Variants in KIAA2012 observed in about 807,000 individuals in gnomAD.
The protein encoded by KIAA2012 is KIAA2012, also known as uncharacterized protein KIAA2012.
A neutral mutation model predicts 150.6 loss-of-function variants in KIAA2012; 125 were observed. The ratio of observed to expected loss-of-function variants is 0.83; its 90% CI spans 0.72 to 0.96. The LOEUF (loss-of-function observed/expected upper bound fraction) is 0.96. Among genes scored for constraint, KIAA2012 ranks in the 40% least tolerant of loss-of-function variants. The probability of loss-of-function intolerance (pLI) is 0.00; values close to 1 mark genes in which losing one functional copy is unlikely to be tolerated. For missense variants in KIAA2012, 1,219 were observed against 1,354.9 expected (o/e 0.90, Z 1.57); for synonymous variants, 462 against 504.7 (o/e 0.92, Z 1.13).
rs1203333215 is a variant in KIAA2012, at chr2:202,205,021, C to A, written c.*44C>A. On this transcript the variant is annotated 3_prime_UTR_variant, in exon 24 of 24. Transcript: ENST00000498697. ...AGATTTAGGATGTTGCAGTCAAGCA[C>A]CAGATAAGAGTGACTTCCCTAAATG... is the stretch of plus-strand genomic sequence containing the variant. 6.6e-6 allele frequency: 1 copy of A among 152,164 alleles called. No individual in the cohort carries two copies. Among genetic ancestry groups the A allele is most frequent in the Non-Finnish European group, 1.5e-5 (1 of 68,028 alleles). The allele number at this position is 152,164 out of a possible 1,614,324, so 9.4% of individuals were successfully genotyped here.
chr2:202,142,606 G>A (rs1691216004), intron 13 of KIAA2012, among the ~76,000 whole-genome samples: 1 of 152,160 alleles, frequency 6.6e-6, no homozygotes, highest in East Asian at 1.9e-4. Flanking sequence ...GTAGGAAGGG[G>A]ACTTGTTTTG....
chr2:202,093,825 C>G (rs1179327836), intron 4 of KIAA2012, among the ~76,000 whole-genome samples: 1 of 152,194 alleles, frequency 6.6e-6, no homozygotes, highest in East Asian at 1.9e-4. Flanking sequence ...GGGATTGACA[C>G]TGTCAATCCC....
At chr2:202,109,895 G>A in intron 10 of KIAA2012, 106 bp downstream of exon 10, 1 of 999,344 alleles carries the variant, frequency 1.0e-6, no homozygotes. Context: ...GCATTCCATT[G>A]AAAAGGGGTA....
At chr2:202,080,385 G>A (rs1000727786) in intron 2 of KIAA2012, among the ~76,000 whole-genome samples, 1 of 151,860 alleles carries the variant, frequency 6.6e-6, no homozygotes, top group Non-Finnish European at 1.5e-5. Flanking sequence ...CTTGTATAAC[G>A]AATAGAATAT....
chr2:202,188,053 C>A, intron 17 of KIAA2012, 99 bp from the exon 18 acceptor site: 1 of 969,100 alleles, frequency 1.0e-6, no homozygotes. Context: ...AAATTCCATT[C>A]TAAGCCAGTG....
At chr2:202,076,420 A>G (rs989542346) in intron 2 of KIAA2012, among the ~76,000 whole-genome samples, 2 of 152,198 alleles carry the variant, frequency 1.3e-5, no homozygotes, top group African/African-American at 4.8e-5. Context: ...TTCCAAAAGA[A>G]AAGACTCCTC....
At chr2:202,150,197 G>C (rs187978252) in intron 13 of KIAA2012, among the ~76,000 whole-genome samples, 2 of 152,288 alleles carry the variant, frequency 1.3e-5, no homozygotes, top group Admixed American at 6.5e-5. Context: ...TAAATGCCAA[G>C]TATTTACGCA....
chr2:202,086,011 T>C (rs1376278444), intron 2 of KIAA2012, among the ~76,000 whole-genome samples: 4 of 151,162 alleles, frequency 2.6e-5, no homozygotes, highest in South Asian at 4.2e-4. Context: ...CTACTAAAAA[T>C]ACAAAAATTA....
chr2:202,128,439 G>GT (rs138151145), intron 12 of KIAA2012, among the ~76,000 whole-genome samples: 1,984 of 145,922 alleles, frequency 0.014, 41 homozygotes, highest in African/African-American at 0.044. Context: ...CTTTTTGGGG[G>GT]TTTTTTTTTT....
chr2:202,175,943 A>T (rs552856338), intron 15 of KIAA2012, among the ~76,000 whole-genome samples: 1 of 152,368 alleles, frequency 6.6e-6, no homozygotes, highest in South Asian at 2.1e-4. Flanking sequence ...TGGAAACTTG[A>T]TATATGGCAA....
intron 15 of KIAA2012, among the ~76,000 whole-genome samples, chr2:202,174,039 C>G (rs989884902): frequency 6.6e-6 from 1 of 152,110 alleles, no homozygotes; most frequent in African/African-American, 2.4e-5. Flanking sequence ...GATCTCGGCT[C>G]ACTGCAACCT....
At position 202,165,354 on chromosome 2, in the gene KIAA2012, A is replaced by G. The variant is rs148576521; in HGVS notation, c.2117A>G (p.Gln706Arg). Residue 706 changes from glutamine (Q) to arginine (R), a missense_variant and splice_region_variant, in exon 15 of 24, where the codon CAA becomes CGA. Physicochemically the swap from Gln to Arg is conservative, Grantham distance 43. Transcript: ENST00000498697. ...RPLRETHHNDQDPEPRSMTLD... is the reference protein window; with the variant it reads ...RPLRETHHNDRDPEPRSMTLD... ...CTCAGAGAAACTCACCACAACGACC[A>G]AGGTACAGACCACTAGGTGGGGCTT... The G allele has an allele frequency of 1.8e-3, 2,848 of 1,550,094 alleles. 5 individuals carry two copies. The highest frequency in any genetic ancestry group is 2.3e-3 in the Middle Eastern group (14 of 5,988).
chr2:202,125,083 A>G, intron 11 of KIAA2012, 131 bp from the exon 12 acceptor site: 1 of 741,760 alleles, frequency 1.3e-6, no homozygotes, highest in Non-Finnish European at 2.2e-6. Context: ...AATTTAAAAA[A>G]AAGAAACAGT....
chr2:202,098,723 G>A (rs1689959366), intron 5 of KIAA2012, among the ~76,000 whole-genome samples: 1 of 152,052 alleles, frequency 6.6e-6, no homozygotes, highest in East Asian at 1.9e-4. Flanking sequence ...ATTATCATAT[G>A]TCTAACAAGG....
intron 2 of KIAA2012, among the ~76,000 whole-genome samples, chr2:202,076,132 C>T (rs1218950407): frequency 2.0e-5 from 3 of 152,210 alleles, no homozygotes; most frequent in Non-Finnish European, 2.9e-5. Context: ...TCACTGAAGC[C>T]TTCTCCCACT....
At chr2:202,103,253 A>T in intron 8 of KIAA2012, 139 bp downstream of exon 8, 2 of 841,656 alleles carry the variant, frequency 2.4e-6, no homozygotes, top group Non-Finnish European at 3.6e-6. Flanking sequence ...AGGAAAAAGG[A>T]TAAAATCTAG....
rs147497248 is a variant in KIAA2012 at position 202,122,570 on chromosome 2, G to A, written c.1763-2644G>A. ...GGCTGGAGTGCAGTGGCACGATCTC[G>A]GCTCACTGCAGCTTCCGCTTCTCGG... On this transcript the variant is annotated intron_variant, in intron 11 of 23. Transcript: ENST00000498697. Among the ~76,000 whole-genome samples, 69 of 148,810 alleles carry A rather than the reference G, an allele frequency of 4.6e-4. 1 individual carries two copies. Among genetic ancestry groups the A allele is most frequent in the African/African-American group, 1.4e-3 (57 of 40,438 alleles).
intron 12 of KIAA2012, among the ~76,000 whole-genome samples, chr2:202,133,130 A>ATATATATATTTATTTTTTTTTTTTT: frequency 1.5e-5 from 1 of 67,794 alleles, no homozygotes; most frequent in East Asian, 2.8e-4. Context: ...ATATATATAT[A>ATATATATATTTATTTTTTTTTTTTT]TTTTTTTTTT....
chr2:202,169,169 T>C (rs1240737760), intron 15 of KIAA2012, among the ~76,000 whole-genome samples: 1 of 152,238 alleles, frequency 6.6e-6, no homozygotes, highest in Non-Finnish European at 1.5e-5. Flanking sequence ...TGTGAGCTGC[T>C]TGAAGGCAAG....
Sources: gnomAD v4.1 joint callset for allele counts (sites outside exome capture counted in the v4.1 genomes callset) on GRCh38, gnomAD v4.1.1 for gene constraint, MANE v1.5 for transcripts, NCBI Gene and HGNC (gene_info 2026-07-23, HGNC 2026-07-21) for gene names.